Variants in NBAS observed in about 807,000 individuals in gnomAD.
The protein encoded by NBAS is NBAS subunit of NRZ tethering complex, also known as NAG/BC035112 fusion.
NBAS carries 219 observed loss-of-function variants against 302.5 expected under a neutral mutation model. That is an observed-to-expected ratio of 0.72 (90% CI 0.65 to 0.81). The LOEUF is 0.81. Among genes scored for constraint, NBAS ranks in the 30% least tolerant of loss-of-function variants. NBAS has a pLI of 0.00. For synonymous variants in NBAS, 1,118 were observed against 1,021.6 expected (o/e 1.09, Z -1.80); for missense variants, 2,932 against 2,841.6 (o/e 1.03, Z -0.72).
At chr2:14,954,097 A>G in the NBAS span, among the ~76,000 whole-genome samples, 14 of 152,250 alleles carry the variant, frequency 9.2e-5, no homozygotes, top group Non-Finnish European at 1.5e-4. Context: ...TGCTTTGTGC[A>G]TGCCAGACCC....
chr2:14,906,648 G>A, the NBAS span, among the ~76,000 whole-genome samples: 1 of 152,276 alleles, frequency 6.6e-6, no homozygotes, highest in South Asian at 2.1e-4. Flanking sequence ...CCTGGGGGTG[G>A]CATGGGCTGC....
chr2:14,871,049 A>G, the NBAS span, among the ~76,000 whole-genome samples: 1 of 152,110 alleles, frequency 6.6e-6, no homozygotes, highest in South Asian at 2.1e-4. Flanking sequence ...CATACTAAAG[A>G]AAAATAAACA....
intron 21 of NBAS, among the ~76,000 whole-genome samples, chr2:15,435,690 C>T (rs1677976311): frequency 6.6e-6 from 1 of 152,120 alleles, no homozygotes; most frequent in Non-Finnish European, 1.5e-5. Context: ...ATTCCAGCTT[C>T]CCAAAGATGT....
intron 50 of NBAS, among the ~76,000 whole-genome samples, chr2:15,181,464 G>A (rs558451447): frequency 6.6e-6 from 1 of 152,278 alleles, no homozygotes; most frequent in Admixed American, 6.5e-5. Flanking sequence ...ATGTTTGTTT[G>A]CTACTTTCCC....
the NBAS span, among the ~76,000 whole-genome samples, chr2:15,142,295 G>A: frequency 1.3e-5 from 2 of 152,222 alleles, no homozygotes; most frequent in African/African-American, 2.4e-5. Context: ...ACCTCTGCCC[G>A]AAACAGCACA....
chr2:15,553,821 CCT>C lies in NBAS; in HGVS notation c.287+238_287+239del, dbSNP rs768369299. 2.2e-4 allele frequency among the ~76,000 whole-genome samples: 29 copies of C among 129,110 alleles called. 1 individual carries two copies. In the South Asian group the frequency reaches 4.1e-3, roughly 18 times the overall value. The allele number at this position is 129,110 out of a possible 152,430, so 84.7% of individuals were successfully genotyped here. ...CCCTCTCTCCCTCCCTCCCTCTCTC[CCT>C]CTCTCTCTCCCTCTCTCCCTCTTCC... On this transcript the variant is annotated intron_variant, in intron 4 of 51. Coordinates refer to ENST00000281513, the MANE Select transcript of NBAS (RefSeq NM_015909.4).
chr2:14,992,769 G>T, the NBAS span, among the ~76,000 whole-genome samples: 2 of 152,102 alleles, frequency 1.3e-5, no homozygotes, highest in African/African-American at 2.4e-5. Context: ...TGTGCAATTT[G>T]CAGGTAACAA....
the NBAS span, among the ~76,000 whole-genome samples, chr2:14,923,947 T>C: frequency 2.2e-4 from 33 of 152,256 alleles, 1 homozygote; most frequent in South Asian, 3.9e-3. Flanking sequence ...TCACAGCAGA[T>C]GGAGGGAGAA....
chr2:14,980,872 GA>G, the NBAS span, among the ~76,000 whole-genome samples: 1 of 152,096 alleles, frequency 6.6e-6, no homozygotes, highest in Non-Finnish European at 1.5e-5. Flanking sequence ...GTAAAATCCA[GA>G]AAATAAGAAA....
the NBAS span, among the ~76,000 whole-genome samples, chr2:14,862,521 G>A: frequency 2.0e-5 from 3 of 152,052 alleles, no homozygotes; most frequent in Non-Finnish European, 4.4e-5. Context: ...TTTCTTAACT[G>A]TGTAATCTTG....
chr2:15,305,118 T>C (rs760476598), intron 40 of NBAS, among the ~76,000 whole-genome samples: 2 of 152,066 alleles, frequency 1.3e-5, no homozygotes, highest in African/African-American at 4.8e-5. Flanking sequence ...AGAGGCAGAA[T>C]GATATGATTA....
intron 19 of NBAS, among the ~76,000 whole-genome samples, chr2:15,463,887 T>C (rs1679615178): frequency 6.6e-6 from 1 of 151,716 alleles, no homozygotes; most frequent in Admixed American, 6.6e-5. Context: ...CATATCATTG[T>C]GGTTATAGTT....
At chr2:15,457,276 T>G (rs763356337) in intron 21 of NBAS, among the ~76,000 whole-genome samples, 1 of 152,036 alleles carries the variant, frequency 6.6e-6, no homozygotes, top group Non-Finnish European at 1.5e-5. Flanking sequence ...ATTCAACAGA[T>G]TATTAAAAAG....
chr2:15,214,597 A>T (rs2147872559), intron 48 of NBAS, among the ~76,000 whole-genome samples: 1 of 152,322 alleles, frequency 6.6e-6, no homozygotes, highest in East Asian at 1.9e-4. Flanking sequence ...GTGTGCACAT[A>T]TATTTTTAAC....
chr2:15,250,049 C>T (rs1558474607), intron 44 of NBAS, among the ~76,000 whole-genome samples: 1 of 152,146 alleles, frequency 6.6e-6, no homozygotes, highest in East Asian at 1.9e-4. Flanking sequence ...ATCATGCTAC[C>T]TGACTTCAAA....
the NBAS span, among the ~76,000 whole-genome samples, chr2:14,885,215 G>A: frequency 6.6e-6 from 1 of 152,188 alleles, no homozygotes; most frequent in Admixed American, 6.5e-5. Flanking sequence ...TAGTTGTTTA[G>A]GGAAGAGATA....
chr2:14,866,702 A>T, the NBAS span, among the ~76,000 whole-genome samples: 2 of 152,204 alleles, frequency 1.3e-5, no homozygotes, highest in Admixed American at 6.5e-5. Flanking sequence ...TTATGTGGCT[A>T]AAACTGACCA....
At chr2:14,962,646 A>G in the NBAS span, among the ~76,000 whole-genome samples, 1 of 152,170 alleles carries the variant, frequency 6.6e-6, no homozygotes, top group Non-Finnish European at 1.5e-5. Context: ...TGTTCAGGGT[A>G]TAAAAGTCTC....
chr2:14,960,495 T>C, the NBAS span, among the ~76,000 whole-genome samples: 94 of 152,310 alleles, frequency 6.2e-4, no homozygotes, highest in Non-Finnish European at 7.9e-4. Context: ...TCTCACAATA[T>C]CGCTGTGAGA....
Sources: allele counts gnomAD v4.1 joint callset (sites outside exome capture counted in the v4.1 genomes callset), GRCh38; gene constraint gnomAD v4.1.1; transcripts MANE v1.5; gene names NCBI Gene and HGNC (gene_info 2026-07-23, HGNC 2026-07-21).